The following SLC35A5 variants were observed in gnomAD, a reference collection of about 807,000 sequenced individuals.
SLC35A5 encodes the protein solute carrier family 35 member A5.
Under a neutral mutation model 36.3 loss-of-function variants are expected in SLC35A5, and 28 were observed. The observed-to-expected ratio is 0.77, with a 90% confidence interval of 0.57 to 1.06. The LOEUF is 1.06. SLC35A5 is among the 50% of genes least tolerant of loss of function. The pLI, the probability that SLC35A5 is intolerant of heterozygous loss-of-function variation, is 0.00. For missense variants in SLC35A5, 521 were observed against 499.3 expected, an observed-to-expected ratio of 1.04 and a Z score of -0.41; for synonymous variants, 180 against 173.7, an observed-to-expected ratio of 1.04 and a Z score of -0.29.
chr3:112,573,102 G>T (rs753675771), intron 4 of SLC35A5, among the ~76,000 whole-genome samples: 3 of 152,048 alleles, frequency 2.0e-5, no homozygotes, highest in Non-Finnish European at 4.4e-5. Context: ...TAATTAGTGG[G>T]TATATATGAC....
chr3:112,576,033 T>C (rs147565442), intron 5 of SLC35A5, among the ~76,000 whole-genome samples: 5,206 of 152,256 alleles, frequency 0.034, 112 homozygotes, highest in Middle Eastern at 0.051. Flanking sequence ...GTGCTGGGAT[T>C]ACAGGTGTGA....
intron 4 of SLC35A5, among the ~76,000 whole-genome samples, chr3:112,571,573 C>G (rs1323320741): frequency 1.3e-5 from 2 of 152,098 alleles, no homozygotes; most frequent in Non-Finnish European, 2.9e-5. Flanking sequence ...AACACATACC[C>G]AAGACTAGGT....
At chr3:112,562,470 C>A (rs376093402) in intron 1 of SLC35A5, among the ~76,000 whole-genome samples, 197 bp downstream of exon 1, 1 of 152,200 alleles carries the variant, frequency 6.6e-6, no homozygotes, top group East Asian at 1.9e-4. Flanking sequence ...CCCCACTCCC[C>A]GCAGGCTCTA....
At chr3:112,562,573 G>C (rs1031493518) in intron 1 of SLC35A5, among the ~76,000 whole-genome samples, 24 of 152,332 alleles carry the variant, frequency 1.6e-4, no homozygotes, top group African/African-American at 5.3e-4. Flanking sequence ...GAGGGCCTTA[G>C]ATTCATTGAT....
Position 112,580,767 on chromosome 3 carries a change from G to A in SLC35A5, c.650G>A (p.Trp217Ter), listed in dbSNP as rs758011317. 1 of 1,614,156 alleles carries A rather than the reference G, an allele frequency of 6.2e-7. No individual in the cohort carries two copies. The highest frequency in any genetic ancestry group is 1.1e-5 in the South Asian group (1 of 91,080). ...AKEWTFPEAK[W>*]NTTARVFSHI... is the part of the protein sequence containing the mutation. The stretch of plus-strand genomic sequence containing the variant: ...GAATGGACTTTTCCTGAAGCTAAAT[G>A]GAACACCACAGCCAGAGTTTTCAGT... The change falls in exon 6 of 7, where the codon TGG (tryptophan) becomes TAG (stop). Residue 217 changes from tryptophan to a stop codon, truncating the protein, a stop_gained. Transcript: ENST00000492406. LOFTEE classifies it high-confidence loss of function.
upstream of SLC35A5, chr3:112,561,822 G>C (rs1181141135): frequency 2.4e-6 from 1 of 410,992 alleles, no homozygotes; most frequent in African/African-American, 2.2e-5. Context: ...GGAGACCTGA[G>C]GTGAGAAGCG....
chr3:112,564,018 G>A (rs1161491914), intron 2 of SLC35A5: 1 of 152,198 alleles, frequency 6.6e-6, no homozygotes, highest in Non-Finnish European at 1.5e-5. Context: ...TTTTATGTAG[G>A]GATTTAAGCA....
chr3:112,572,565 C>T (rs3773710), intron 4 of SLC35A5, among the ~76,000 whole-genome samples: 10,250 of 152,220 alleles, frequency 0.067, 433 homozygotes, highest in Admixed American at 0.12. Flanking sequence ...CTGTGTCCCC[C>T]AGTACCAAAG....
In SLC35A5 at chr3:112,584,686, G is replaced by A. The variant is rs150598635; in HGVS notation, c.*1950G>A. ...TATTCAACCCAGCAATCCCTCTACT[G>A]GGTACCTACCCAAAGGAAAATAAAT... On this transcript the variant is annotated 3_prime_UTR_variant, in exon 7 of 7. Coordinates refer to ENST00000492406, the MANE Select transcript of SLC35A5 (RefSeq NM_017945.5). 2.0e-5 allele frequency: 3 copies of A among 152,188 alleles called. No homozygotes were observed. The East Asian group carries it at 5.8e-4, about 29-fold the overall frequency. The allele number at this position is 152,188 out of a possible 1,614,324, so 9.4% of individuals were successfully genotyped here. A position where few individuals can be genotyped will look rare whatever the true frequency, so the allele number is the denominator to read the frequency against.
chr3:112,569,876 TAAAC>T (rs1559857967), intron 3 of SLC35A5, among the ~76,000 whole-genome samples: 8 of 152,228 alleles, frequency 5.3e-5, no homozygotes, highest in Non-Finnish European at 8.8e-5. Context: ...ACACATGAGG[TAAAC>T]GTAAACTTTA....
At chr3:112,571,180 C>G (rs951685879) in intron 4 of SLC35A5, among the ~76,000 whole-genome samples, 1 of 152,176 alleles carries the variant, frequency 6.6e-6, no homozygotes, top group Non-Finnish European at 1.5e-5. Flanking sequence ...ATCATGTCCT[C>G]CCAACTAGAA....
intron 5 of SLC35A5, 59 bp downstream of exon 5, chr3:112,574,015 A>T: frequency 7.0e-7 from 1 of 1,421,550 alleles, no homozygotes; most frequent in Non-Finnish European, 9.9e-7. Context: ...CCCGGTTTCA[A>T]ATGATATACC....
rs1934885723 is a variant in SLC35A5 at position 112,580,964 on chromosome 3, C to G, written c.847C>G (p.Leu283Val). ...TGGCATTCTGTTTAATGGGCTGACT[C>G]TGGGCCTTCAGAGGAGTAACCGTGA... ...FFGILFNGLTLGLQRSNRDQI... is the reference protein window; with the variant it reads ...FFGILFNGLTVGLQRSNRDQI... Residue 283 changes from leucine (L) to valine (V), a missense_variant, in exon 6 of 7, where the codon CTG becomes GTG. Transcript: ENST00000492406. 6.2e-7 allele frequency: 1 copy of G among 1,614,016 alleles called. No individual in the cohort carries two copies. Among genetic ancestry groups the G allele is most frequent in the Non-Finnish European group, 8.5e-7 (1 of 1,180,002 alleles).
chr3:112,574,444 A>G (rs1418386508), intron 5 of SLC35A5, among the ~76,000 whole-genome samples: 2 of 152,328 alleles, frequency 1.3e-5, no homozygotes, highest in East Asian at 3.9e-4. Flanking sequence ...ATAGTTAAGA[A>G]GGATAGTTTT....
rs1935013085 is a variant in SLC35A5, at chr3:112,583,235, G to C, written c.*499G>C. ...CAACGGGACCCTTTCTAAAAACGTT[G>C]GTTGAAGGACCTAAATACCTGGCCA... On this transcript the variant is annotated 3_prime_UTR_variant, in exon 7 of 7. Transcript: ENST00000492406. 2 of 396,934 alleles carry C rather than the reference G, an allele frequency of 5.0e-6. No individual in the cohort carries two copies. Among genetic ancestry groups the C allele is most frequent in the Non-Finnish European group, 8.9e-6 (2 of 225,164 alleles). The allele number at this position is 396,934 out of a possible 1,614,324, so 24.6% of individuals were successfully genotyped here. A position where few individuals can be genotyped will look rare whatever the true frequency, so the allele number is the denominator to read the frequency against.
At chr3:112,571,743 C>T (rs1416641283) in intron 4 of SLC35A5, among the ~76,000 whole-genome samples, 2 of 152,114 alleles carry the variant, frequency 1.3e-5, no homozygotes, top group African/African-American at 4.8e-5. Context: ...ACCGTCAGAT[C>T]TCATGAGACT....
chr3:112,575,646 T>C (rs1405647948), intron 5 of SLC35A5, among the ~76,000 whole-genome samples: 2 of 152,144 alleles, frequency 1.3e-5, no homozygotes, highest in Non-Finnish European at 2.9e-5. Context: ...TAATGATTCT[T>C]AGACATATAT....
At chr3:112,579,051 A>G (rs1934781411) in intron 5 of SLC35A5, among the ~76,000 whole-genome samples, 1 of 152,230 alleles carries the variant, frequency 6.6e-6, no homozygotes, top group Admixed American at 6.5e-5. Flanking sequence ...ATGAGAAAGC[A>G]TATAATAGTG....
chr3:112,573,518 G>A (rs1934541177), intron 4 of SLC35A5, among the ~76,000 whole-genome samples: 1 of 152,302 alleles, frequency 6.6e-6, no homozygotes, highest in South Asian at 2.1e-4. Context: ...GGGCCATACA[G>A]TACCTGCCTT....
Sources: gnomAD v4.1 joint callset for allele counts (sites outside exome capture counted in the v4.1 genomes callset) on GRCh38, gnomAD v4.1.1 for gene constraint, MANE v1.5 for transcripts, NCBI Gene and HGNC (gene_info 2026-07-23, HGNC 2026-07-21) for gene names.